Variants in OTOF observed in about 807,000 individuals in gnomAD.
The protein encoded by OTOF is otoferlin.
A neutral mutation model predicts 236.8 loss-of-function variants in OTOF; 218 were observed. That is an observed-to-expected ratio of 0.92 (90% CI 0.82 to 1.03). The LOEUF (loss-of-function observed/expected upper bound fraction) is 1.03. Among genes scored for constraint, OTOF ranks in the 50% least tolerant of loss-of-function variants. The probability of loss-of-function intolerance (pLI) is 0.00; values close to 1 mark genes in which losing one functional copy is unlikely to be tolerated. For missense variants in OTOF, 2,590 were observed against 2,694.4 expected, an observed-to-expected ratio of 0.96 and a Z score of 0.86; for synonymous variants, 1,041 against 1,072.5, an observed-to-expected ratio of 0.97 and a Z score of 0.57.
chr2:26,460,943 T>A lies in OTOF; in HGVS notation c.5621A>T (p.Asp1874Val), dbSNP rs1207009239. The change falls in exon 44 of 47, where the codon GAC becomes GTC. Residue 1874 changes from aspartate to valine, a missense_variant. By Grantham distance (152) the Asp-to-Val change is radical (BLOSUM62 -3). Around this residue, in one of 2 missense-constraint regions of OTOF, gnomAD observed 1,211 missense variants for 1,352.8 expected, o/e 0.90. Transcript: ENST00000272371. This position sits in a 1 kb window ranked among gnomAD's most constrained non-coding sequence, Gnocchi z 5.3. ...CTMEMATGEV[D>V]VPLVSIFKQK... ...CTTGAAGATGGACACGAGGGGCACG[T>A]CCACCTCCCCGGTGGCCATCTCCAT... 5 of 1,613,918 alleles carry A rather than the reference T, an allele frequency of 3.1e-6. No individual in the cohort carries two copies. Among genetic ancestry groups the A allele is most frequent in the Non-Finnish European group, 4.2e-6 (5 of 1,179,974 alleles).
In OTOF at chr2:26,476,259, A is replaced by G. The variant is rs758039545; in HGVS notation, c.2735T>C (p.Leu912Pro). ...TTTGCTGAGGCCCAGCCACAGGTAC[A>G]GCTCCACCTTGGCCTGCACTGTCCA... is the stretch of plus-strand genomic sequence containing the variant. ...AGWTVQAKVE[L>P]YLWLGLSKQR... Residue 912 changes from leucine (L) to proline (P), a missense_variant, in exon 23 of 47, where the codon CTG becomes CCG. Coordinates refer to ENST00000272371, the MANE Select transcript of OTOF (RefSeq NM_194248.3). 7.5e-6 allele frequency: 12 copies of G among 1,606,334 alleles called. No homozygotes were observed.
At chr2:26,479,956 C>T (rs1558488718) in intron 16 of OTOF, among the ~76,000 whole-genome samples, 1 of 152,266 alleles carries the variant, frequency 6.6e-6, no homozygotes, top group Non-Finnish European at 1.5e-5. Flanking sequence ...AGGTCCCAAA[C>T]ACAGCCTCAC....
At chr2:26,540,130 C>T (rs1229380021) in intron 1 of OTOF, among the ~76,000 whole-genome samples, 2 of 152,138 alleles carry the variant, frequency 1.3e-5, no homozygotes, top group South Asian at 2.1e-4. Context: ...GATGGGGTTT[C>T]GCATGTTGGT....
At chr2:26,479,172 G>T in intron 18 of OTOF, 92 bp downstream of exon 18, 1 of 1,510,640 alleles carries the variant, frequency 6.6e-7, no homozygotes. Context: ...AGCCCCCTGG[G>T]CAGACCAGCT....
intron 33 of OTOF, 116 bp downstream of exon 33, chr2:26,468,292 A>G: frequency 1.2e-6 from 1 of 813,594 alleles, no homozygotes; most frequent in Non-Finnish European, 2.2e-6. Context: ...TTCCCTGGCT[A>G]CTAAGGCTGG....
chr2:26,500,509 G>C (rs764813129), intron 8 of OTOF, among the ~76,000 whole-genome samples: 2 of 152,074 alleles, frequency 1.3e-5, no homozygotes, highest in Non-Finnish European at 2.9e-5. Context: ...AAAAGCCCTC[G>C]GAAGTCTCAG....
chr2:26,540,718 T>C (rs954643324), intron 1 of OTOF, among the ~76,000 whole-genome samples: 3 of 149,192 alleles, frequency 2.0e-5, no homozygotes, highest in African/African-American at 7.4e-5. Flanking sequence ...TGAAAGGGTG[T>C]GTGTTCGTGT....
Position 26,457,922 on chromosome 2 carries a change from A to G in OTOF, c.*316T>C, listed in dbSNP as rs1352600283. On this transcript the variant is annotated 3_prime_UTR_variant, in exon 47 of 47. Coordinates refer to ENST00000272371, the MANE Select transcript of OTOF (RefSeq NM_194248.3). The surrounding 1 kb of genome is among the most constrained non-coding windows in gnomAD (Gnocchi z 4.4). ...CGCAAGCAGGAGGCAGGCTCGGCCC[A>G]AGGCATGAAGAGTGGACGCTGGGCT... is the stretch of plus-strand genomic sequence containing the variant. 1 of 1,071,832 alleles carries G rather than the reference A, an allele frequency of 9.3e-7. No individual in the cohort carries two copies. The highest frequency in any genetic ancestry group is 1.4e-6 in the Non-Finnish European group (1 of 734,600). The allele number at this position is 1,071,832 out of a possible 1,614,324, so 66.4% of individuals were successfully genotyped here.
chr2:26,504,858 C>T (rs931271968), intron 5 of OTOF, among the ~76,000 whole-genome samples: 4 of 152,204 alleles, frequency 2.6e-5, no homozygotes, highest in South Asian at 2.1e-4. Flanking sequence ...GCCCCATCAT[C>T]CTGTAGGTCC....
At chr2:26,464,142 C>G in intron 39 of OTOF, 36 bp from the exon 40 acceptor site, 1 of 1,611,364 alleles carries the variant, frequency 6.2e-7, no homozygotes, top group Non-Finnish European at 8.5e-7. Context: ...ACACATGGCT[C>G]AGCAGAACCA....
In OTOF at chr2:26,477,029, A is replaced by G; in HGVS notation, c.2538T>C (p.Ile846=). The stretch of plus-strand genomic sequence containing the variant: ...TCATCATCCAGATGAAGATGTCGGG[A>G]ATGCTGTGCTGGGGCTGGGGGTTGG... ...RFLADEPQHS[I]PDIFIWMMSN... is the part of the protein sequence containing the mutation. Residue 846 remains isoleucine (I), a synonymous_variant, in exon 22 of 47, where the codon ATT becomes ATC. Coordinates refer to ENST00000272371, the MANE Select transcript of OTOF (RefSeq NM_194248.3). This position sits in a 1 kb window ranked among gnomAD's most constrained non-coding sequence, Gnocchi z 4.7. 1 of 1,591,898 alleles carries G rather than the reference A, an allele frequency of 6.3e-7. No homozygotes were observed. The highest frequency in any genetic ancestry group is 8.6e-7 in the Non-Finnish European group (1 of 1,167,928).
chr2:26,480,190 G>T lies in OTOF; in HGVS notation c.1912+13C>A. 6.5e-7 allele frequency: 1 copy of T among 1,545,870 alleles called. No homozygotes were observed. The highest frequency in any genetic ancestry group is 1.1e-5 in the South Asian group (1 of 89,746). On this transcript the variant is annotated intron_variant, in intron 16 of 46. Coordinates refer to ENST00000272371, the MANE Select transcript of OTOF (RefSeq NM_194248.3). The stretch of plus-strand genomic sequence containing the variant: ...TCACCTAGGCCCGAAGCCCCCGTGG[G>T]CCCAGCACTCACCTATGGTGACCTC...
intron 35 of OTOF, 64 bp from the exon 36 acceptor site, chr2:26,466,915 T>A: frequency 6.2e-7 from 1 of 1,606,802 alleles, no homozygotes; most frequent in Non-Finnish European, 8.5e-7. Flanking sequence ...TCAAAATAGC[T>A]AACAGCACCA....
At chr2:26,475,601 G>T in intron 24 of OTOF, 108 bp from the exon 25 acceptor site, 1 of 1,247,084 alleles carries the variant, frequency 8.0e-7, no homozygotes, top group Non-Finnish European at 1.2e-6. Context: ...GGGGGCAGGA[G>T]TGACAGGTGT....
In OTOF at chr2:26,484,592, C is replaced by T. The variant is rs766575009; in HGVS notation, c.1087G>A (p.Asp363Asn). The T allele has an allele frequency of 1.2e-5, 19 of 1,613,784 alleles. No individual in the cohort carries two copies. In the Admixed American group the frequency reaches 1.7e-4, roughly 14 times the overall value. The change falls in exon 12 of 47, where the codon GAT (aspartate) becomes AAT (asparagine). Residue 363 changes from aspartate (D) to asparagine (N), a missense_variant. This residue lies in a region of OTOF where 1,379 missense variants were observed against 1,341.6 expected (regional missense o/e 1.03). Transcript: ENST00000272371. The part of the protein sequence containing the change: ...HHKWAILSDP[D>N]DISSGLKGYV... ...CCCTTCAGCCCCGAGGAGATGTCATCGGGGTCAGACAGGATGGCCCACTTG... is the reference window on the plus strand; with the variant it reads ...CCCTTCAGCCCCGAGGAGATGTCATTGGGGTCAGACAGGATGGCCCACTTG...
chr2:26,464,549 C>A (rs1326625872), intron 39 of OTOF, among the ~76,000 whole-genome samples: 1 of 152,130 alleles, frequency 6.6e-6, no homozygotes, highest in Non-Finnish European at 1.5e-5. Context: ...CTCTAAAGAG[C>A]CACATGACCT....
At chr2:26,549,182 C>T (rs910528576) in intron 1 of OTOF, among the ~76,000 whole-genome samples, 6 of 152,136 alleles carry the variant, frequency 3.9e-5, no homozygotes, top group African/African-American at 1.4e-4. Flanking sequence ...ATATTTGGAA[C>T]TTTCAAAGAT....
chr2:26,516,588 G>A lies in OTOF; in HGVS notation c.339C>T (p.Cys113=), dbSNP rs139098225. Residue 113 remains cysteine, a synonymous_variant, in exon 5 of 47, where the codon TGC becomes TGT. Transcript: ENST00000272371. Reference sequence around the variant, plus strand: ...CAGTGGCCTGATACCGGACCTCCACGCACAGGCTGGTCTGAAGGGAGGGAG... The same window carrying A: ...CAGTGGCCTGATACCGGACCTCCACACACAGGCTGGTCTGAAGGGAGGGAG... ...DNNAIIKTSL[C]VEVRYQATDG... is the part of the protein sequence containing the mutation. 324 of 1,606,182 alleles carry A rather than the reference G, an allele frequency of 2.0e-4. No individual in the cohort carries two copies. The African/African-American group carries it at 3.7e-3, about 18-fold the overall frequency.
intron 14 of OTOF, among the ~76,000 whole-genome samples, chr2:26,481,597 A>G (rs552106322): frequency 6.6e-6 from 1 of 152,256 alleles, no homozygotes; most frequent in African/African-American, 2.4e-5. Flanking sequence ...ATAGCATTTT[A>G]AAAATTTAGA....
Sources: allele counts gnomAD v4.1 joint callset (sites outside exome capture counted in the v4.1 genomes callset), GRCh38; gene constraint gnomAD v4.1.1; regional missense constraint gnomAD v4.1.1; non-coding constraint Gnocchi (gnomAD v3.1); transcripts MANE v1.5; gene names NCBI Gene and HGNC (gene_info 2026-07-23, HGNC 2026-07-21).